The following IL1RAPL1 variants were observed in gnomAD, a reference collection of about 807,000 sequenced individuals.
IL1RAPL1 encodes the protein interleukin 1 receptor accessory protein like 1, also known as interleukin-1 receptor accessory protein-like 1.
Under a neutral mutation model 48.4 loss-of-function variants are expected in IL1RAPL1, and 3 were observed. The ratio of observed to expected loss-of-function variants is 0.06; its 90% confidence interval spans 0.03 to 0.16. IL1RAPL1 has a LOEUF of 0.16. Ranked by LOEUF, IL1RAPL1 falls within the 10% of genes least tolerant of loss-of-function variation. The pLI, the probability that IL1RAPL1 is intolerant of heterozygous loss-of-function variation, is 1.00. For synonymous variants in IL1RAPL1, 185 were observed against 187.7 expected, an observed-to-expected ratio of 0.99 and a Z score of 0.12; for missense variants, 349 against 530.6, an observed-to-expected ratio of 0.66 and a Z score of 3.36.
intron 2 of IL1RAPL1, among the ~76,000 whole-genome samples, chrX:28,866,107 G>A (rs958610246): frequency 3.6e-5 from 4 of 111,849 alleles, no homozygotes; most frequent in Admixed American, 2.9e-4. Context: ...ATTATAATAC[G>A]TTTGTTTGCT....
chrX:28,633,852 T>C (rs1257242313), intron 1 of IL1RAPL1, among the ~76,000 whole-genome samples: 1 of 112,188 alleles, frequency 8.9e-6, no homozygotes, highest in Non-Finnish European at 1.9e-5. Flanking sequence ...AGTTTTATTT[T>C]ATTTTTAATC....
At chrX:29,844,393 A>G (rs1227031341) in intron 6 of IL1RAPL1, among the ~76,000 whole-genome samples, 1 of 111,459 alleles carries the variant, frequency 9.0e-6, no homozygotes, top group African/African-American at 3.3e-5. Context: ...AGTATGGTCA[A>G]TGATGTCCTC....
intron 3 of IL1RAPL1, among the ~76,000 whole-genome samples, chrX:29,313,685 C>T (rs964894389): frequency 4.5e-5 from 5 of 111,722 alleles, no homozygotes; most frequent in African/African-American, 1.6e-4. Context: ...GGAGGCAATG[C>T]ATAGTGCAGC....
At chrX:28,884,238 T>C (rs931865884) in intron 2 of IL1RAPL1, among the ~76,000 whole-genome samples, 1 of 111,941 alleles carries the variant, frequency 8.9e-6, no homozygotes, top group African/African-American at 3.2e-5. Context: ...AATTGTCATC[T>C]AGAAGTAGAT....
chrX:29,556,997 G>A (rs1191751930), intron 5 of IL1RAPL1, among the ~76,000 whole-genome samples: 1 of 111,417 alleles, frequency 9.0e-6, no homozygotes, highest in East Asian at 2.8e-4. Flanking sequence ...GAATATCACT[G>A]CCCCAGGATT....
chrX:29,938,908 A>G (rs941600926), intron 8 of IL1RAPL1, among the ~76,000 whole-genome samples: 3 of 112,492 alleles, frequency 2.7e-5, no homozygotes, highest in African/African-American at 9.7e-5. Flanking sequence ...TTTGCGTATC[A>G]GTAGTTTACT....
chrX:28,864,343 T>C (rs1922026185), intron 2 of IL1RAPL1, among the ~76,000 whole-genome samples: 1 of 112,232 alleles, frequency 8.9e-6, no homozygotes, highest in Non-Finnish European at 1.9e-5. Flanking sequence ...TTTGAGTGCC[T>C]ATACCATGTC....
At chrX:28,832,106 G>A (rs12012376) in intron 2 of IL1RAPL1, among the ~76,000 whole-genome samples, 12,481 of 110,745 alleles carry the variant, frequency 0.11, 1,190 homozygotes, top group East Asian at 0.31. Flanking sequence ...TATGTTAGGA[G>A]CATTCAAAAT....
At chrX:29,032,996 G>A (rs1022207260) in intron 2 of IL1RAPL1, among the ~76,000 whole-genome samples, 24 of 112,319 alleles carry the variant, frequency 2.1e-4, no homozygotes, top group African/African-American at 7.4e-4. Context: ...TCATTAGGTC[G>A]TATGAGAATA....
At chrX:29,356,393 T>A (rs1007969519) in intron 3 of IL1RAPL1, among the ~76,000 whole-genome samples, 24 of 79,483 alleles carry the variant, frequency 3.0e-4, no homozygotes, top group African/African-American at 1.0e-3. Flanking sequence ...TGTATCTTTT[T>A]ATGTAAATTA....
chrX:29,418,109 A>C, intron 5 of IL1RAPL1, among the ~76,000 whole-genome samples: 2 of 41,161 alleles, frequency 4.9e-5, no homozygotes, highest in South Asian at 1.2e-3. Context: ...ATATATATAT[A>C]TATATATATA....
chrX:29,254,265 A>G (rs1931716516), intron 2 of IL1RAPL1, among the ~76,000 whole-genome samples: 1 of 111,896 alleles, frequency 8.9e-6, no homozygotes, highest in Non-Finnish European at 1.9e-5. Flanking sequence ...CAAAATAGGA[A>G]CTAGAACAAA....
chrX:29,664,171 G>C (rs369079256), intron 5 of IL1RAPL1, among the ~76,000 whole-genome samples: 1 of 111,790 alleles, frequency 8.9e-6, no homozygotes, highest in East Asian at 2.8e-4. Flanking sequence ...TTGGGAGGCC[G>C]AGGCAGGCGG....
chrX:29,123,005 T>TTTTATTTATTTA lies in IL1RAPL1; in HGVS notation c.83-159905_83-159894dup, dbSNP rs201703450. On this transcript the variant is annotated intron_variant, in intron 2 of 10. Coordinates refer to ENST00000378993, the MANE Select transcript of IL1RAPL1 (RefSeq NM_014271.4). ...ATTATGTTAATTATAGAATAGCACGTTTTATTTATTTATTTATTTATTTAT... is the reference window on the plus strand; with the variant it reads ...ATTATGTTAATTATAGAATAGCACGTTTTATTTATTTATTTATTTATTTATTTATTTATTTAT... Among the ~76,000 whole-genome samples the TTTTATTTATTTA allele has an allele frequency of 6.4e-3, 656 of 101,716 alleles. 4 individuals are homozygous for TTTTATTTATTTA. The highest frequency in any genetic ancestry group is 0.021 in the South Asian group (44 of 2,061). The allele number at this position is 101,716 out of a possible 115,157, so 88.3% of individuals were successfully genotyped here. A position where few individuals can be genotyped will look rare whatever the true frequency, so the allele number is the denominator to read the frequency against.
At chrX:29,675,509 G>A (rs1029693682) in intron 6 of IL1RAPL1, among the ~76,000 whole-genome samples, 11 of 112,560 alleles carry the variant, frequency 9.8e-5, no homozygotes, top group African/African-American at 3.6e-4. Context: ...AGCTATATAG[G>A]TATAAATCTT....
intron 5 of IL1RAPL1, among the ~76,000 whole-genome samples, chrX:29,655,651 CAAAAAAAAAA>C (rs746998144): frequency 3.7e-5 from 1 of 26,753 alleles, no homozygotes; most frequent in Admixed American, 5.9e-4. Flanking sequence ...TGACAGTCTC[CAAAAAAAAAA>C]AAAAAAAAAA....
intron 6 of IL1RAPL1, among the ~76,000 whole-genome samples, chrX:29,758,780 AAAAAC>A (rs1034318428): frequency 5.4e-5 from 6 of 111,440 alleles, no homozygotes; most frequent in African/African-American, 9.8e-5. Context: ...TCCTAATGTA[AAAAAC>A]AAAACAAAAC....
chrX:29,470,770 A>T (rs922278966), intron 5 of IL1RAPL1, among the ~76,000 whole-genome samples: 8 of 110,519 alleles, frequency 7.2e-5, no homozygotes, highest in Admixed American at 1.9e-4. Flanking sequence ...AATAGATGGG[A>T]CTACAAGTAT....
At chrX:29,066,855 T>C (rs142529976) in intron 2 of IL1RAPL1, among the ~76,000 whole-genome samples, 1,714 of 111,818 alleles carry the variant, frequency 0.015, 39 homozygotes, top group African/African-American at 0.054. Context: ...GCTGGTAGCC[T>C]GCTGCTCTTC....
Sources: gnomAD v4.1 joint callset for allele counts (sites outside exome capture counted in the v4.1 genomes callset) on GRCh38, gnomAD v4.1.1 for gene constraint, MANE v1.5 for transcripts, NCBI Gene and HGNC (gene_info 2026-07-23, HGNC 2026-07-21) for gene names.